The following CD8B2 variants were observed in gnomAD, a reference collection of about 807,000 sequenced individuals.
CD8B2 encodes T-cell surface glycoprotein CD8 beta-2 chain.
CD8B2 carries 11 observed loss-of-function variants against 23.7 expected under a neutral mutation model. The ratio of observed to expected loss-of-function variants is 0.46; its 90% confidence interval spans 0.29 to 0.77. The LOEUF (loss-of-function observed/expected upper bound fraction) is 0.77, where lower values mean the gene tolerates loss of function less well. Ranked by LOEUF, CD8B2 falls within the 30% of genes least tolerant of loss-of-function variation. The pLI, the probability that CD8B2 is intolerant of heterozygous loss-of-function variation, is 0.09. For missense variants in CD8B2, 197 were observed against 270.5 expected, an observed-to-expected ratio of 0.73 and a Z score of 1.91; for synonymous variants, 90 against 109.3, an observed-to-expected ratio of 0.82 and a Z score of 1.10.
At chr2:106,537,474 T>C (rs1415158103) in intron 5 of CD8B2, among the ~76,000 whole-genome samples, 1 of 152,132 alleles carries the variant, frequency 6.6e-6, no homozygotes, top group Non-Finnish European at 1.5e-5. Context: ...CTTATCTTAC[T>C]TAATTTTAAG....
rs1307081303 is a variant in CD8B2, at chr2:106,507,265, C to T, written c.*325C>T. ...CTGAGCTGGGACCTTTAGTGGTGGC[C>T]GTTTAGCCACCATCTTTGCAAGTTG... On this transcript the variant is annotated 3_prime_UTR_variant, in exon 6 of 6. Coordinates refer to ENST00000643224, the MANE Select transcript of CD8B2 (RefSeq NM_001349727.2). 3.4e-5 allele frequency: 39 copies of T among 1,131,610 alleles called. No homozygotes were observed. Among genetic ancestry groups the T allele is most frequent in the Non-Finnish European group, 4.1e-5 (38 of 922,598 alleles). 70.1% of individuals were successfully genotyped at this position (1,131,610 alleles called of 1,614,324 possible).
chr2:106,540,021 A>G (rs1456276945), intron 5 of CD8B2, among the ~76,000 whole-genome samples: 1 of 152,228 alleles, frequency 6.6e-6, no homozygotes. Context: ...TATATACTTC[A>G]TGTTATGTAG....
At chr2:106,540,739 A>G (rs1187044883) in intron 5 of CD8B2, among the ~76,000 whole-genome samples, 1 of 151,712 alleles carries the variant, frequency 6.6e-6, no homozygotes, top group African/African-American at 2.4e-5. Flanking sequence ...TAATTTTTCT[A>G]TTTTTTGTAG....
In CD8B2 at chr2:106,507,103, A is replaced by G. The variant is rs1679524255; in HGVS notation, c.*163A>G. 1.3e-6 allele frequency: 2 copies of G among 1,505,472 alleles called. No homozygotes were observed. The highest frequency in any genetic ancestry group is 8.9e-7 in the Non-Finnish European group (1 of 1,128,400). The allele number at this position is 1,505,472 out of a possible 1,614,324, so 93.3% of individuals were successfully genotyped here. A position where few individuals can be genotyped will look rare whatever the true frequency, so the allele number is the denominator to read the frequency against. ...CAAGGCCTTTCTGTGTGTGACGTGC[A>G]TGGGAGCAACTTGTTTGTGGGTCAT... On this transcript the variant is annotated 3_prime_UTR_variant, in exon 6 of 6. Coordinates refer to ENST00000643224, the MANE Select transcript of CD8B2 (RefSeq NM_001349727.2).
rs563822260 is a variant in CD8B2, at chr2:106,534,533, C to T, written c.621-9459C>T. The stretch of plus-strand genomic sequence containing the variant: ...TGCATTAGGCTGTTGTCAATATTCA[C>T]AACCTCAGGAGAGGGACTTGATCTG... On this transcript the variant is annotated intron_variant, in intron 5 of 5. Coordinates refer to the CD8B2 transcript ENST00000416057. Among the ~76,000 whole-genome samples, 20 of 152,280 alleles carry T rather than the reference C, an allele frequency of 1.3e-4. 2 individuals are homozygous for T. The South Asian group carries it at 4.1e-3, about 32-fold the overall frequency.
At chr2:106,505,852 C>A (rs1253006442) in intron 5 of CD8B2, among the ~76,000 whole-genome samples, 6 of 152,168 alleles carry the variant, frequency 3.9e-5, no homozygotes, top group Admixed American at 3.3e-4. Context: ...CATTCAAGGC[C>A]GGGTGCGGTG....
In CD8B2 at chr2:106,490,972, A is replaced by G. The variant is rs199997131; in HGVS notation, c.142A>G (p.Ser48Gly). Residue 48 changes from serine (S) to glycine (G), a missense_variant, in exon 2 of 6, where the codon AGT becomes GGT. Physicochemically the swap from Ser to Gly is moderately conservative, Grantham distance 56. Coordinates refer to ENST00000643224, the MANE Select transcript of CD8B2 (RefSeq NM_001349727.2). ...GTCCTGCGAGGCTAAAATCTCCCTC[A>G]GTAACATGTGCATCTACTGGCTGAG... ...MLSCEAKISLSNMCIYWLRQR... is the reference protein window; with the variant it reads ...MLSCEAKISLGNMCIYWLRQR... 1.9e-6 allele frequency: 3 copies of G among 1,613,880 alleles called. No individual in the cohort carries two copies. Among genetic ancestry groups the G allele is most frequent in the Non-Finnish European group, 2.5e-6 (3 of 1,179,880 alleles).
At chr2:106,542,620 T>C (rs1253653672) in intron 5 of CD8B2, among the ~76,000 whole-genome samples, 1 of 148,922 alleles carries the variant, frequency 6.7e-6, no homozygotes, top group Non-Finnish European at 1.5e-5. Flanking sequence ...GGATATATAT[T>C]ATGTAATGTA....
At chr2:106,543,386 C>T (rs7573306) in intron 5 of CD8B2, among the ~76,000 whole-genome samples, 80 of 152,104 alleles carry the variant, frequency 5.3e-4, no homozygotes, top group African/African-American at 1.4e-3. Context: ...TAAAATTAGC[C>T]GGTCGTGGTG....
chr2:106,512,148 T>A (rs1679644379), downstream of CD8B2, among the ~76,000 whole-genome samples: 1 of 152,224 alleles, frequency 6.6e-6, no homozygotes, highest in Non-Finnish European at 1.5e-5. Context: ...CACTTATGGC[T>A]CACTGCAAGC....
At chr2:106,487,566 G>C (rs1444925662) in intron 1 of CD8B2, 97 bp downstream of exon 1, 3 of 721,846 alleles carry the variant, frequency 4.2e-6, no homozygotes, top group Non-Finnish European at 5.7e-6. Context: ...CTGGCAGGGT[G>C]CAGCGTCGAG....
At chr2:106,520,860 ACT>A (rs1423531327) in intron 5 of CD8B2, among the ~76,000 whole-genome samples, 3 of 152,024 alleles carry the variant, frequency 2.0e-5, no homozygotes, top group Admixed American at 2.0e-4. Context: ...AGAGCGTGAG[ACT>A]CTGTCTCAAA....
chr2:106,521,205 A>G (rs10200478), intron 5 of CD8B2, among the ~76,000 whole-genome samples: 149,567 of 152,198 alleles, frequency 0.98, 73,556 homozygotes, highest in East Asian at 1. Context: ...TAGTGAGTGG[A>G]GAAGCTGGCC....
At chr2:106,489,018 T>C (rs1053060960) in intron 1 of CD8B2, among the ~76,000 whole-genome samples, 4 of 150,854 alleles carry the variant, frequency 2.7e-5, no homozygotes, top group Non-Finnish European at 5.9e-5. Flanking sequence ...TTTTTTCTTT[T>C]CCAAGACGGA....
intron 4 of CD8B2, 137 bp downstream of exon 4, chr2:106,502,700 G>A (rs1310289216): frequency 7.1e-6 from 4 of 565,404 alleles, no homozygotes; most frequent in African/African-American, 2.0e-5. Context: ...GGTATTTCCG[G>A]AGGTAGTTCT....
In CD8B2 at chr2:106,508,966, C is replaced by T. The variant is rs1679569089; in HGVS notation, c.*2026C>T. Reference sequence around the variant, plus strand: ...CAGACCCAGGTGTTTTCCGTTTGCTCCAGCTTTGAGAAGTCAGCACAAATT... The same window carrying T: ...CAGACCCAGGTGTTTTCCGTTTGCTTCAGCTTTGAGAAGTCAGCACAAATT... On this transcript the variant is annotated 3_prime_UTR_variant, in exon 6 of 6. Transcript: ENST00000643224. The T allele has an allele frequency of 1.3e-5, 2 of 151,446 alleles. No homozygotes were observed. Among genetic ancestry groups the T allele is most frequent in the African/African-American group, 4.9e-5 (2 of 41,198 alleles). The allele number at this position is 151,446 out of a possible 1,614,324, so 9.4% of individuals were successfully genotyped here. A position where few individuals can be genotyped will look rare whatever the true frequency, so the allele number is the denominator to read the frequency against.
At chr2:106,525,675 T>C (rs1286186491) in intron 5 of CD8B2, among the ~76,000 whole-genome samples, 5 of 152,216 alleles carry the variant, frequency 3.3e-5, no homozygotes, top group Non-Finnish European at 5.9e-5. Context: ...TTGCTTTCTG[T>C]CTCTGTGAAT....
intron 5 of CD8B2, among the ~76,000 whole-genome samples, chr2:106,538,818 C>G (rs1294583559): frequency 6.6e-6 from 1 of 152,174 alleles, no homozygotes; most frequent in Non-Finnish European, 1.5e-5. Context: ...TCCACACTGC[C>G]TCAAGGCTTC....
intron 5 of CD8B2, among the ~76,000 whole-genome samples, chr2:106,541,704 T>G (rs1680176936): frequency 6.6e-6 from 1 of 152,242 alleles, no homozygotes; most frequent in African/African-American, 2.4e-5. Context: ...TTGCATTATA[T>G]GAATGTCCAC....
Sources: gnomAD v4.1 joint callset for allele counts (sites outside exome capture counted in the v4.1 genomes callset) on GRCh38, gnomAD v4.1.1 for gene constraint, MANE v1.5 for transcripts, NCBI Gene and HGNC (gene_info 2026-07-23, HGNC 2026-07-21) for gene names.